SEC23B: variants seen among roughly 807,000 people sequenced by gnomAD.
SEC23B encodes the protein SEC23 homolog B, COPII component.
SEC23B carries 77 observed loss-of-function variants against 104.3 expected under a neutral mutation model. That is an observed-to-expected ratio of 0.74 (90% CI 0.61 to 0.89). SEC23B has a LOEUF of 0.89. Among genes scored for constraint, SEC23B ranks in the 40% least tolerant of loss-of-function variants. The pLI is 0.00. For synonymous variants in SEC23B, 338 were observed against 332.5 expected (o/e 1.02, Z -0.18); for missense variants, 885 against 949.4 (o/e 0.93, Z 0.89).
intron 15 of SEC23B, 82 bp downstream of exon 15, chr20:18,546,115 A>T: frequency 1.2e-6 from 1 of 857,464 alleles, no homozygotes; most frequent in Non-Finnish European, 2.0e-6. Flanking sequence ...TAAAGTGAAG[A>T]CTTTTTAATG....
intron 1 of SEC23B, among the ~76,000 whole-genome samples, chr20:18,508,583 A>G (rs776772488): frequency 7.9e-5 from 12 of 152,126 alleles, no homozygotes; most frequent in Non-Finnish European, 1.3e-4. Flanking sequence ...GACCTTCTAT[A>G]GTCCCCTTGG....
At chr20:18,552,780 C>T (rs2060400220) in intron 17 of SEC23B, among the ~76,000 whole-genome samples, 1 of 152,166 alleles carries the variant, frequency 6.6e-6, no homozygotes, top group Admixed American at 6.5e-5. Context: ...AGCCAGTGCA[C>T]TCCAGCCTGG....
chr20:18,546,841 C>G (rs1192658308), intron 15 of SEC23B, among the ~76,000 whole-genome samples: 1 of 151,176 alleles, frequency 6.6e-6, no homozygotes, highest in Non-Finnish European at 1.5e-5. Flanking sequence ...GGTTCCAAAG[C>G]CCCGTAGAGT....
Position 18,548,697 on chromosome 20 carries a change from G to T in SEC23B, c.1832G>T (p.Arg611Leu), listed in dbSNP as rs1408291549. ...TCATATTACAGACATCATTTTGCCC[G>T]GCAGGACCTGACCCAGTCCCTCATC... Reference protein sequence around the residue: ...ESSYYRHHFARQDLTQSLIMI... With the variant: ...ESSYYRHHFALQDLTQSLIMI... Residue 611 changes from arginine (R) to leucine (L), a missense_variant, in exon 16 of 20, where the codon CGG becomes CTG. By Grantham distance (102) the Arg-to-Leu change is moderately radical. Coordinates refer to ENST00000650089, the MANE Select transcript of SEC23B (RefSeq NM_006363.6). 1.2e-5 allele frequency: 19 copies of T among 1,614,060 alleles called. No individual in the cohort carries two copies. Among genetic ancestry groups the T allele is most frequent in the Non-Finnish European group, 1.6e-5 (19 of 1,180,012 alleles).
At position 18,535,542 on chromosome 20, in the gene SEC23B, AAAG is replaced by A. The variant is rs529251894; in HGVS notation, c.1315-106_1315-104del. 199 of 768,810 alleles carry A rather than the reference AAAG, an allele frequency of 2.6e-4. No individual in the cohort carries two copies. The African/African-American group carries it at 3.1e-3, about 12-fold the overall frequency. The allele number at this position is 768,810 out of a possible 1,614,324, so 47.6% of individuals were successfully genotyped here. A position where few individuals can be genotyped will look rare whatever the true frequency, so the allele number is the denominator to read the frequency against. On this transcript the variant is annotated intron_variant, in intron 11 of 19. Transcript: ENST00000650089. ...TTATTTCAACTTAAATGTTCTCCTA[AAAG>A]AAGATACTCTAAGTAGCCTGCCCTA...
Position 18,554,294 on chromosome 20 carries a change from G to A in SEC23B, c.2052G>A (p.Lys684=), listed in dbSNP as rs1190432565. The A allele has an allele frequency of 1.2e-6, 2 of 1,614,164 alleles. No individual in the cohort carries two copies. Among genetic ancestry groups the A allele is most frequent in the Non-Finnish European group, 1.7e-6 (2 of 1,180,036 alleles). The change falls in exon 18 of 20, where the codon AAG becomes AAA. Residue 684 remains lysine, a synonymous_variant. Transcript: ENST00000650089. ...ACATGCCCGAGTATGAAAACTTCAA[G>A]CACCTTCTGCAGGCACCACTGGATG... is the stretch of plus-strand genomic sequence containing the variant. The part of the protein sequence containing the change: ...YQDMPEYENF[K]HLLQAPLDDA...
At chr20:18,508,938 C>T (rs2059957722) in intron 1 of SEC23B, among the ~76,000 whole-genome samples, 1 of 152,084 alleles carries the variant, frequency 6.6e-6, no homozygotes, top group Non-Finnish European at 1.5e-5. Context: ...CCAGGCTGGT[C>T]TTGAATTCCT....
At position 18,561,344 on chromosome 20, in the gene SEC23B, GAT is replaced by G. The variant is rs2060491149; in HGVS notation, c.*605_*606del. 6.6e-6 allele frequency: 1 copy of G among 152,424 alleles called. No homozygotes were observed. Among genetic ancestry groups the G allele is most frequent in the African/African-American group, 2.4e-5 (1 of 41,418 alleles). The allele number at this position is 152,424 out of a possible 1,614,324, so 9.4% of individuals were successfully genotyped here. ...CTCTCCTTACAAGATTTTTGTTGTT[GAT>G]GTATTTAATTTTAGCCCATGTCTCA... is the stretch of plus-strand genomic sequence containing the variant. On this transcript the variant is annotated 3_prime_UTR_variant, in exon 20 of 20. Transcript: ENST00000650089.
In SEC23B at chr20:18,557,498, G is replaced by A. The variant is rs117987669; in HGVS notation, c.2214+2325G>A. ...TATCACAGTCTACTGGTGTTCAAGCGAAGTCTAGAGACCTTACCTCCCTTT... is the reference window on the plus strand; with the variant it reads ...TATCACAGTCTACTGGTGTTCAAGCAAAGTCTAGAGACCTTACCTCCCTTT... On this transcript the variant is annotated intron_variant, in intron 19 of 19. Transcript: ENST00000650089. Among the ~76,000 whole-genome samples the A allele has an allele frequency of 2.4e-3, 370 of 152,106 alleles. 7 individuals are homozygous for A. Among genetic ancestry groups the A allele is most frequent in the Admixed American group, 0.02 (302 of 15,284 alleles).
chr20:18,516,865 T>A (rs952376782), intron 4 of SEC23B, among the ~76,000 whole-genome samples: 6 of 152,142 alleles, frequency 3.9e-5, no homozygotes, highest in Admixed American at 3.9e-4. Flanking sequence ...ATTTTTAGGC[T>A]CTTTATTGTC....
At chr20:18,550,049 A>T (rs1347588663) in intron 16 of SEC23B, among the ~76,000 whole-genome samples, 2 of 122,878 alleles carry the variant, frequency 1.6e-5, no homozygotes, top group Admixed American at 1.8e-4. Context: ...TAAATTATAT[A>T]TGTATATATA....
chr20:18,512,299 T>A lies in SEC23B; in HGVS notation c.279+17T>A, dbSNP rs749605237. On this transcript the variant is annotated intron_variant, in intron 3 of 19. Coordinates refer to ENST00000650089, the MANE Select transcript of SEC23B (RefSeq NM_006363.6). ...AGAAATCAGGTATGTGAATTATTTT[T>A]AAAAAATGTTATATGTTTTATTTTA... The A allele has an allele frequency of 1.4e-6, 2 of 1,461,432 alleles. No individual in the cohort carries two copies. Among genetic ancestry groups the A allele is most frequent in the East Asian group, 4.6e-5 (2 of 43,398 alleles). The allele number at this position is 1,461,432 out of a possible 1,614,324, so 90.5% of individuals were successfully genotyped here. A position where few individuals can be genotyped will look rare whatever the true frequency, so the allele number is the denominator to read the frequency against.
intron 10 of SEC23B, among the ~76,000 whole-genome samples, chr20:18,531,938 G>T (rs1186708631): frequency 6.6e-6 from 1 of 152,018 alleles, no homozygotes; most frequent in Non-Finnish European, 1.5e-5. Context: ...CACACCTGTG[G>T]TTCCAGCTAC....
At chr20:18,554,509 A>G in intron 18 of SEC23B, 119 bp downstream of exon 18, 1 of 1,309,398 alleles carries the variant, frequency 7.6e-7, no homozygotes, top group Non-Finnish European at 1.1e-6. Flanking sequence ...CACACAGGTA[A>G]TCTTCCAAAT....
At chr20:18,547,472 A>G (rs1335320773) in intron 15 of SEC23B, among the ~76,000 whole-genome samples, 1 of 151,988 alleles carries the variant, frequency 6.6e-6, no homozygotes, top group East Asian at 1.9e-4. Flanking sequence ...TGTTCTGGCA[A>G]CTCTTTAATG....
chr20:18,535,609 T>A, intron 11 of SEC23B, 44 bp from the exon 12 acceptor site: 1 of 1,491,884 alleles, frequency 6.7e-7, no homozygotes, highest in Non-Finnish European at 9.4e-7. Flanking sequence ...ACCACAGGGA[T>A]GGTTTTCTGG....
intron 14 of SEC23B, among the ~76,000 whole-genome samples, chr20:18,544,420 T>C (rs541200850): frequency 2.4e-4 from 37 of 152,116 alleles, no homozygotes; most frequent in Non-Finnish European, 4.1e-4. Flanking sequence ...GAAATGAGCC[T>C]TGAGTCAGGT....
At chr20:18,552,720 A>G (rs2060399616) in intron 17 of SEC23B, among the ~76,000 whole-genome samples, 1 of 152,154 alleles carries the variant, frequency 6.6e-6, no homozygotes, top group Non-Finnish European at 1.5e-5. Context: ...AGGCTGAGGC[A>G]GGAGAATCGC....
At chr20:18,553,998 G>A (rs575427656) in intron 17 of SEC23B, among the ~76,000 whole-genome samples, 1 of 152,312 alleles carries the variant, frequency 6.6e-6, no homozygotes, top group African/African-American at 2.4e-5. Context: ...TGATATAGAA[G>A]AGAGGAGGCA....
Sources: allele counts gnomAD v4.1 joint callset (sites outside exome capture counted in the v4.1 genomes callset), GRCh38; gene constraint gnomAD v4.1.1; transcripts MANE v1.5; gene names NCBI Gene and HGNC (gene_info 2026-07-23, HGNC 2026-07-21).